Variants in ZCCHC7 observed in about 807,000 individuals in gnomAD.
The protein encoded by ZCCHC7 is zinc finger CCHC-type containing 7.
A neutral mutation model predicts 52.0 loss-of-function variants in ZCCHC7; 35 were observed. The ratio of observed to expected loss-of-function variants is 0.67; its 90% CI spans 0.51 to 0.89. ZCCHC7 has a LOEUF of 0.89. Among genes scored for constraint, ZCCHC7 ranks in the 40% least tolerant of loss-of-function variants. The pLI, the probability that ZCCHC7 is intolerant of heterozygous loss-of-function variation, is 0.00. For missense variants in ZCCHC7, 574 were observed against 649.1 expected (o/e 0.88, Z 1.26); for synonymous variants, 217 against 221.5 (o/e 0.98, Z 0.18).
chr9:37,228,123 A>C (rs1287773552), intron 2 of ZCCHC7, among the ~76,000 whole-genome samples: 1 of 152,146 alleles, frequency 6.6e-6, no homozygotes, highest in African/African-American at 2.4e-5. Flanking sequence ...AAGTTATTGA[A>C]GTCAGATACA....
In ZCCHC7 at chr9:37,122,659, G is replaced by A. The variant is rs182762861; in HGVS notation, c.-22+2036G>A. Among the ~76,000 whole-genome samples the A allele has an allele frequency of 2.9e-3, 449 of 152,300 alleles. 3 individuals carry two copies. Among genetic ancestry groups the A allele is most frequent in the African/African-American group, 0.01 (433 of 41,546 alleles). On this transcript the variant is annotated intron_variant, in intron 1 of 8. Coordinates refer to ENST00000336755, the MANE Select transcript of ZCCHC7 (RefSeq NM_032226.3). ...AACTTATTTGAAAATTTTATTTTGGGCCATGTGCGGTGGCTCACGCCTGTA... is the reference window on the plus strand; with the variant it reads ...AACTTATTTGAAAATTTTATTTTGGACCATGTGCGGTGGCTCACGCCTGTA...
At chr9:37,241,467 T>C (rs1825870641) in intron 2 of ZCCHC7, among the ~76,000 whole-genome samples, 1 of 151,806 alleles carries the variant, frequency 6.6e-6, no homozygotes, top group South Asian at 2.1e-4. Flanking sequence ...AGCTAAAACA[T>C]ACTCAGCAAA....
At chr9:37,198,167 C>A (rs980779240) in intron 2 of ZCCHC7, among the ~76,000 whole-genome samples, 60 of 152,226 alleles carry the variant, frequency 3.9e-4, no homozygotes, top group African/African-American at 1.3e-3. Context: ...GTTTTCATAT[C>A]TTTTTTCATT....
intron 2 of ZCCHC7, among the ~76,000 whole-genome samples, chr9:37,275,616 A>G (rs1827647048): frequency 6.6e-6 from 1 of 152,004 alleles, no homozygotes; most frequent in South Asian, 2.1e-4. Flanking sequence ...TTCCACTTTA[A>G]CATGGAATGG....
chr9:37,195,013 C>T (rs1372560590), intron 2 of ZCCHC7, among the ~76,000 whole-genome samples: 3 of 139,160 alleles, frequency 2.2e-5, no homozygotes, highest in Admixed American at 7.5e-5. Context: ...GTGGTGTGAT[C>T]TCGGCTCACT....
At chr9:37,238,197 C>A (rs1169244884) in intron 2 of ZCCHC7, among the ~76,000 whole-genome samples, 2 of 152,278 alleles carry the variant, frequency 1.3e-5, no homozygotes, top group South Asian at 2.1e-4. Context: ...AGTACTGATT[C>A]TCTATCCTGG....
intron 2 of ZCCHC7, among the ~76,000 whole-genome samples, chr9:37,134,948 A>G (rs942637520): frequency 6.6e-6 from 1 of 152,026 alleles, no homozygotes; most frequent in Non-Finnish European, 1.5e-5. Context: ...GCTGGCCTCA[A>G]ACTCCCGACC....
chr9:37,249,407 A>C (rs1484613988), intron 2 of ZCCHC7, among the ~76,000 whole-genome samples: 1 of 150,594 alleles, frequency 6.6e-6, no homozygotes, highest in Non-Finnish European at 1.5e-5. Context: ...TCCAGCAATA[A>C]AGAATTGTTC....
chr9:37,181,169 C>G (rs2133047842), intron 2 of ZCCHC7, among the ~76,000 whole-genome samples: 1 of 151,954 alleles, frequency 6.6e-6, no homozygotes, highest in Middle Eastern at 3.4e-3. Flanking sequence ...TGTTTTGTAG[C>G]TTTCTTTGTT....
At chr9:37,329,445 T>C (rs189466910) in intron 6 of ZCCHC7, among the ~76,000 whole-genome samples, 3 of 151,964 alleles carry the variant, frequency 2.0e-5, no homozygotes, top group African/African-American at 7.2e-5. Flanking sequence ...TATTTATAGG[T>C]ATAACAAATT....
At chr9:37,177,326 C>G (rs1822095476) in intron 2 of ZCCHC7, among the ~76,000 whole-genome samples, 1 of 151,934 alleles carries the variant, frequency 6.6e-6, no homozygotes. Context: ...CAGAGTGAGA[C>G]TCAGTCTCAA....
At chr9:37,159,713 G>T (rs1234038771) in intron 2 of ZCCHC7, among the ~76,000 whole-genome samples, 1 of 152,148 alleles carries the variant, frequency 6.6e-6, no homozygotes, top group East Asian at 1.9e-4. Flanking sequence ...CTACAACAGT[G>T]TAGGATATTT....
rs985554101 is a variant in ZCCHC7 at position 37,337,749 on chromosome 9, A to G, written c.987+9915A>G. Among the ~76,000 whole-genome samples, 8 of 152,188 alleles carry G rather than the reference A, an allele frequency of 5.3e-5. No individual in the cohort carries two copies. The East Asian group carries it at 9.6e-4, about 18-fold the overall frequency. On this transcript the variant is annotated intron_variant, in intron 6 of 8. Transcript: ENST00000336755. ...GATGGCAAATAAAATATAGATACCT[A>G]TAATATCTTTCCAGGAAACGATTTT...
chr9:37,346,215 A>C (rs115174507), intron 6 of ZCCHC7, among the ~76,000 whole-genome samples: 7,739 of 152,092 alleles, frequency 0.051, 642 homozygotes, highest in African/African-American at 0.17. Context: ...GTTGGTCAGG[A>C]TGGTCTCAAA....
intron 2 of ZCCHC7, among the ~76,000 whole-genome samples, chr9:37,192,169 T>A (rs1254865801): frequency 1.3e-5 from 2 of 152,198 alleles, no homozygotes; most frequent in Non-Finnish European, 2.9e-5. Context: ...GGTTATGTAG[T>A]CCAGTTTCTC....
intron 2 of ZCCHC7, among the ~76,000 whole-genome samples, chr9:37,217,449 C>T (rs1824566976): frequency 6.6e-6 from 1 of 152,054 alleles, no homozygotes; most frequent in Admixed American, 6.5e-5. Context: ...AGTGAAAGAA[C>T]TGTTTAGCAT....
chr9:37,248,636 C>CT (rs1564201570), intron 2 of ZCCHC7, among the ~76,000 whole-genome samples: 1 of 152,130 alleles, frequency 6.6e-6, no homozygotes, highest in African/African-American at 2.4e-5. Context: ...TACCTACTGC[C>CT]TATAGCTGAA....
At chr9:37,219,433 G>C (rs907410162) in intron 2 of ZCCHC7, among the ~76,000 whole-genome samples, 1 of 152,144 alleles carries the variant, frequency 6.6e-6, no homozygotes, top group African/African-American at 2.4e-5. Context: ...AATTCCTTGA[G>C]ATGGCTTAAC....
At chr9:37,199,327 C>CTTTTTTTT (rs57881366) in intron 2 of ZCCHC7, among the ~76,000 whole-genome samples, 118 of 129,664 alleles carry the variant, frequency 9.1e-4, no homozygotes, top group Non-Finnish European at 1.4e-3. Context: ...TTTCTTTCTT[C>CTTTTTTTT]TTTTTTTTTT....
Sources: gnomAD v4.1 joint callset for allele counts (sites outside exome capture counted in the v4.1 genomes callset) on GRCh38, gnomAD v4.1.1 for gene constraint, MANE v1.5 for transcripts, NCBI Gene and HGNC (gene_info 2026-07-23, HGNC 2026-07-21) for gene names.